COL4A1: variants seen among roughly 807,000 people sequenced by gnomAD.
The protein encoded by COL4A1 is collagen type IV alpha 1 chain, also known as collagen alpha-1(IV) chain.
In COL4A1, 40 loss-of-function variants were observed where a neutral mutation model predicts 216.6. That is an observed-to-expected ratio of 0.18 (90% confidence interval 0.14 to 0.24). COL4A1 has a LOEUF of 0.24. Among genes scored for constraint, COL4A1 ranks in the 10% least tolerant of loss-of-function variants. COL4A1 has a pLI of 1.00. For missense variants in COL4A1, 1,628 were observed against 2,196.8 expected, an observed-to-expected ratio of 0.74 and a Z score of 5.18; for synonymous variants, 839 against 810.7, an observed-to-expected ratio of 1.03 and a Z score of -0.59.
intron 20 of COL4A1, among the ~76,000 whole-genome samples, chr13:110,199,967 G>A (rs2139189129): frequency 6.6e-6 from 1 of 152,318 alleles, no homozygotes; most frequent in East Asian, 1.9e-4. Context: ...CCTGAGCCAG[G>A]CGTGGGCTGT....
chr13:110,291,828 C>G (rs950372209), intron 1 of COL4A1, among the ~76,000 whole-genome samples: 1 of 152,184 alleles, frequency 6.6e-6, no homozygotes, highest in Non-Finnish European at 1.5e-5. Flanking sequence ...GATTCACCTT[C>G]AAATTTCCAT....
intron 1 of COL4A1, among the ~76,000 whole-genome samples, chr13:110,252,639 C>CA (rs71127925): frequency 1.0e-5 from 1 of 98,184 alleles, no homozygotes; most frequent in Admixed American, 1.2e-4. Flanking sequence ...ATTATATATA[C>CA]TTATATACAA....
Position 110,169,849 on chromosome 13 carries a change from G to A in COL4A1, c.3743-87C>T, listed in dbSNP as rs961785129. On this transcript the variant is annotated intron_variant, in intron 42 of 51. Coordinates refer to ENST00000375820, the MANE Select transcript of COL4A1 (RefSeq NM_001845.6). ...TGGGGCTATCAATACTGCCACCCAC[G>A]GCCCCTCACTGATACAACACTGGAC... 9.0e-6 allele frequency: 14 copies of A among 1,552,136 alleles called. No individual in the cohort carries two copies. In the Middle Eastern group the frequency reaches 6.9e-4, roughly 76 times the overall value.
intron 1 of COL4A1, among the ~76,000 whole-genome samples, chr13:110,269,603 G>C (rs1883168470): frequency 6.6e-6 from 1 of 152,020 alleles, no homozygotes; most frequent in Admixed American, 6.6e-5. Context: ...GCTGCATCTG[G>C]AACTGGGTCT....
In COL4A1 at chr13:110,173,869, T is replaced by C. The variant is rs778804349; in HGVS notation, c.3505+31A>G. On this transcript the variant is annotated intron_variant, in intron 40 of 51. Coordinates refer to ENST00000375820, the MANE Select transcript of COL4A1 (RefSeq NM_001845.6). The stretch of plus-strand genomic sequence containing the variant: ...GGTCTCTGGGAGTGGACACTGCTGA[T>C]TCTGATAGGGAATGGGGCGTTGGGC... 5 of 1,613,528 alleles carry C rather than the reference T, an allele frequency of 3.1e-6. No homozygotes were observed. The South Asian group carries it at 4.4e-5, about 14-fold the overall frequency.
chr13:110,200,776 G>T, intron 20 of COL4A1, 78 bp downstream of exon 20: 1 of 1,422,208 alleles, frequency 7.0e-7, no homozygotes, highest in Non-Finnish European at 9.9e-7. Context: ...TAACATTCGT[G>T]ATAAATTATA....
At chr13:110,270,619 C>T (rs891432198) in intron 1 of COL4A1, among the ~76,000 whole-genome samples, 1 of 151,952 alleles carries the variant, frequency 6.6e-6, no homozygotes, top group Non-Finnish European at 1.5e-5. Context: ...CAGATGGGAA[C>T]GAGGTCTCTG....
intron 29 of COL4A1, among the ~76,000 whole-genome samples, chr13:110,180,572 G>C (rs907343787): frequency 1.3e-5 from 2 of 152,214 alleles, no homozygotes; most frequent in African/African-American, 2.4e-5. Flanking sequence ...AATGCCTTCT[G>C]GCAATTTCAC....
chr13:110,212,641 G>A lies in COL4A1; in HGVS notation c.280-23C>T, dbSNP rs761888951. The stretch of plus-strand genomic sequence containing the variant: ...TCCCTGTGAGGGCGGAAGTAAAAGC[G>A]TGTCAGTGAAGAGCCGGGAAGCCTC... On this transcript the variant is annotated intron_variant, in intron 4 of 51. Transcript: ENST00000375820. The A allele has an allele frequency of 5.5e-5, 89 of 1,613,174 alleles. 1 individual carries two copies. The highest frequency in any genetic ancestry group is 5.3e-4 in the Admixed American group (32 of 59,996).
intron 1 of COL4A1, among the ~76,000 whole-genome samples, chr13:110,244,281 A>G (rs1881690704): frequency 6.6e-6 from 1 of 152,170 alleles, no homozygotes; most frequent in South Asian, 2.1e-4. Flanking sequence ...TGCCTCCAAG[A>G]CAGTAAGCTG....
intron 1 of COL4A1, among the ~76,000 whole-genome samples, chr13:110,246,234 C>T (rs1185986024): frequency 6.6e-6 from 1 of 151,584 alleles, no homozygotes; most frequent in Non-Finnish European, 1.5e-5. Flanking sequence ...TAAATAAAAT[C>T]TATTTTAAAA....
intron 2 of COL4A1, among the ~76,000 whole-genome samples, chr13:110,232,561 A>G (rs1233891526): frequency 2.0e-5 from 3 of 152,112 alleles, no homozygotes; most frequent in African/African-American, 7.2e-5. Flanking sequence ...ATACACTCTC[A>G]TTTTGCTCCC....
At chr13:110,179,089 G>T in intron 30 of COL4A1, 53 bp from the exon 31 acceptor site, 1 of 1,559,354 alleles carries the variant, frequency 6.4e-7, no homozygotes, top group Non-Finnish European at 8.8e-7. Context: ...CACGTCTCCC[G>T]GCCTAGGAGA....
At chr13:110,278,964 T>C (rs7987982) in intron 1 of COL4A1, among the ~76,000 whole-genome samples, 29,993 of 152,112 alleles carry the variant, frequency 0.2, 3,752 homozygotes, top group African/African-American at 0.37. Context: ...AGGACTATGA[T>C]GAAACCCTCA....
rs866934587 is a variant in COL4A1 at position 110,164,917 on chromosome 13, C to A, written c.4095G>T (p.Glu1365Asp). Reference sequence around the variant, plus strand: ...GAAGCCCTTTCAGCCCTGGGGGGCCCTCAGGACCAGGGAGCCCGGGCTCCC... The same window carrying A: ...GAAGCCCTTTCAGCCCTGGGGGGCCATCAGGACCAGGGAGCCCGGGCTCCC... ...IKGEPGLPGP[E>D]GPPGLKGLQG... The change falls in exon 46 of 52, where the codon GAG becomes GAT. Residue 1365 changes from glutamate to aspartate, a missense_variant. Physicochemically the swap from Glu to Asp is conservative, Grantham distance 45 (BLOSUM62 2). Around this residue, in one of 8 missense-constraint regions of COL4A1, gnomAD observed 345 missense variants for 476.9 expected, o/e 0.72. Coordinates refer to ENST00000375820, the MANE Select transcript of COL4A1 (RefSeq NM_001845.6). 6.2e-7 allele frequency: 1 copy of A among 1,607,260 alleles called. No homozygotes were observed. The highest frequency in any genetic ancestry group is 1.1e-5 in the South Asian group (1 of 89,674).
chr13:110,162,894 G>T lies in COL4A1; in HGVS notation c.4250-452C>A, dbSNP rs186022727. Among the ~76,000 whole-genome samples, 173 of 152,354 alleles carry T rather than the reference G, an allele frequency of 1.1e-3. 2 individuals are homozygous for T. Among genetic ancestry groups the T allele is most frequent in the Non-Finnish European group, 5.1e-4 (35 of 68,038 alleles). Reference sequence around the variant, plus strand: ...GTTTCTTCCTCCATAGCAGCCCAAAGCCTGCGTATGGAAATGGAGCAGTAA... The same window carrying T: ...GTTTCTTCCTCCATAGCAGCCCAAATCCTGCGTATGGAAATGGAGCAGTAA... On this transcript the variant is annotated intron_variant, in intron 47 of 51. Coordinates refer to ENST00000375820, the MANE Select transcript of COL4A1 (RefSeq NM_001845.6).
At chr13:110,281,725 A>G (rs1883640983) in intron 1 of COL4A1, among the ~76,000 whole-genome samples, 1 of 152,222 alleles carries the variant, frequency 6.6e-6, no homozygotes, top group Admixed American at 6.5e-5. Context: ...ATGAATTTTC[A>G]CAAAATAAGG....
chr13:110,217,501 G>A (rs761795143), intron 2 of COL4A1, among the ~76,000 whole-genome samples: 6 of 152,096 alleles, frequency 3.9e-5, no homozygotes, highest in South Asian at 2.1e-4. Context: ...AATCCATGGC[G>A]GCCACAGACT....
intron 5 of COL4A1, 25 bp from the exon 6 acceptor site, chr13:110,212,504 A>G: frequency 6.2e-7 from 1 of 1,614,238 alleles, no homozygotes. Flanking sequence ...GTGAAAATGT[A>G]ACCCAGGCAG....
Sources: gnomAD v4.1 joint callset for allele counts (sites outside exome capture counted in the v4.1 genomes callset) on GRCh38, gnomAD v4.1.1 for gene constraint, gnomAD v4.1.1 regional missense constraint, MANE v1.5 for transcripts, NCBI Gene and HGNC (gene_info 2026-07-23, HGNC 2026-07-21) for gene names.